The following MCTP2 variants were observed in gnomAD, a reference collection of about 807,000 sequenced individuals.
MCTP2 encodes multiple C2 and transmembrane domain containing 2, also known as multiple C2 and transmembrane domain-containing protein 2.
In MCTP2, 132 loss-of-function variants were observed where a neutral mutation model predicts 111.6. The ratio of observed to expected loss-of-function variants is 1.18; its 90% CI spans 1.03 to 1.37. The LOEUF (loss-of-function observed/expected upper bound fraction) is 1.37. MCTP2 is among the 40% of genes most tolerant of loss of function. The probability of loss-of-function intolerance (pLI) is 0.00; values close to 1 mark genes in which losing one functional copy is unlikely to be tolerated. For synonymous variants in MCTP2, 395 were observed against 387.7 expected (o/e 1.02, Z -0.22); for missense variants, 1,183 against 1,067.9 (o/e 1.11, Z -1.50).
intron 20 of MCTP2, among the ~76,000 whole-genome samples, chr15:94,467,421 A>T (rs2073459244): frequency 7.7e-6 from 1 of 129,112 alleles, no homozygotes; most frequent in Non-Finnish European, 1.6e-5. Context: ...TACTTTTATT[A>T]TAATAATCAA....
intron 4 of MCTP2, among the ~76,000 whole-genome samples, chr15:94,317,679 C>T (rs2076434297): frequency 6.6e-6 from 1 of 152,206 alleles, no homozygotes; most frequent in Non-Finnish European, 1.5e-5. Flanking sequence ...TACCCAGAAA[C>T]ATCTTTGCTG....
At chr15:94,250,360 G>A (rs1239127840) in intron 1 of MCTP2, among the ~76,000 whole-genome samples, 1 of 152,180 alleles carries the variant, frequency 6.6e-6, no homozygotes, top group African/African-American at 2.4e-5. Flanking sequence ...TGCAAACTGT[G>A]CAAGAGATTC....
At chr15:94,470,930 G>C (rs796861623) in intron 21 of MCTP2, among the ~76,000 whole-genome samples, 33 of 152,264 alleles carry the variant, frequency 2.2e-4, no homozygotes, top group African/African-American at 7.7e-4. Flanking sequence ...GGGAGGGGGC[G>C]TTCTGTGAAT....
intron 1 of MCTP2, among the ~76,000 whole-genome samples, chr15:94,283,228 T>C (rs1279048128): frequency 6.6e-6 from 1 of 152,140 alleles, no homozygotes; most frequent in Non-Finnish European, 1.5e-5. Context: ...GCAGGGACCC[T>C]GGGAGAGGCC....
At chr15:94,460,566 G>C (rs527295127) in intron 20 of MCTP2, among the ~76,000 whole-genome samples, 2 of 152,324 alleles carry the variant, frequency 1.3e-5, no homozygotes, top group South Asian at 2.1e-4. Context: ...CATGTTGTTT[G>C]GTAAAACTGT....
At chr15:94,282,276 C>A (rs762270165) in intron 1 of MCTP2, among the ~76,000 whole-genome samples, 5 of 152,096 alleles carry the variant, frequency 3.3e-5, no homozygotes, top group African/African-American at 1.2e-4. Context: ...TGTCTGCCTG[C>A]GTTGATTCAA....
intron 19 of MCTP2, among the ~76,000 whole-genome samples, chr15:94,450,786 A>AT (rs1184712094): frequency 1.3e-5 from 2 of 152,094 alleles, no homozygotes; most frequent in Non-Finnish European, 2.9e-5. Flanking sequence ...TGTCAGAAGG[A>AT]TTTTTTCCTG....
intron 14 of MCTP2, among the ~76,000 whole-genome samples, chr15:94,390,870 C>A (rs1737354966): frequency 6.6e-6 from 1 of 151,732 alleles, no homozygotes; most frequent in African/African-American, 2.4e-5. Context: ...ACTGGGATTA[C>A]AGGCACCCAC....
intron 19 of MCTP2, among the ~76,000 whole-genome samples, chr15:94,455,542 A>G (rs182998388): frequency 4.3e-4 from 66 of 152,030 alleles, no homozygotes; most frequent in Admixed American, 3.6e-3. Context: ...GGTTCAAGTG[A>G]TTATCCTGCC....
intron 19 of MCTP2, among the ~76,000 whole-genome samples, chr15:94,453,538 G>A (rs1030777951): frequency 6.6e-6 from 1 of 152,158 alleles, no homozygotes; most frequent in South Asian, 2.1e-4. Flanking sequence ...GATAGGGTAG[G>A]TGTATGTTAA....
In MCTP2 at chr15:94,294,941, C is replaced by CTTTTTTTTTTT. The variant is rs71133001; in HGVS notation, c.-65-3242_-65-3232dup. 4.1e-5 allele frequency among the ~76,000 whole-genome samples: 3 copies of CTTTTTTTTTTT among 73,988 alleles called. 1 individual carries two copies. The highest frequency in any genetic ancestry group is 7.3e-5 in the Non-Finnish European group (3 of 41,336). The allele number at this position is 73,988 out of a possible 152,430, so 48.5% of individuals were successfully genotyped here. ...TTCTCTTTATTTTTCTTTTCTTTTC[C>CTTTTTTTTTTT]TTTTTTTTTTTTTTTTTTTTTTTTT... On this transcript the variant is annotated intron_variant, in intron 1 of 22. Coordinates refer to ENST00000357742, the MANE Select transcript of MCTP2 (RefSeq NM_001385001.1).
At chr15:94,338,345 C>T (rs1402513616) in intron 4 of MCTP2, among the ~76,000 whole-genome samples, 6 of 152,154 alleles carry the variant, frequency 3.9e-5, no homozygotes, top group East Asian at 1.9e-4. Flanking sequence ...TTTATCTCCT[C>T]ATTGATTGCT....
chr15:94,462,213 T>A (rs914410046), intron 20 of MCTP2, among the ~76,000 whole-genome samples: 2 of 152,212 alleles, frequency 1.3e-5, no homozygotes, highest in African/African-American at 4.8e-5. Context: ...CTGGGATGTG[T>A]CACAATCATT....
chr15:94,478,375 G>A lies in MCTP2; in HGVS notation c.2569-591G>A, dbSNP rs900732160. ...AGATCCTCCGTGTATCGCCAAGGGC[G>A]CTTTCTAATAACACAGTGACAGTTT... On this transcript the variant is annotated intron_variant, in intron 22 of 22. Coordinates refer to ENST00000357742, the MANE Select transcript of MCTP2 (RefSeq NM_001385001.1). 5.3e-5 allele frequency among the ~76,000 whole-genome samples: 8 copies of A among 152,168 alleles called. No individual in the cohort carries two copies. The East Asian group carries it at 5.8e-4, about 11-fold the overall frequency.
intron 4 of MCTP2, among the ~76,000 whole-genome samples, chr15:94,329,687 A>G (rs2077047621): frequency 6.6e-6 from 1 of 152,108 alleles, no homozygotes; most frequent in Non-Finnish European, 1.5e-5. Flanking sequence ...CTCCAACATT[A>G]GGGATTACAC....
intron 10 of MCTP2, among the ~76,000 whole-genome samples, chr15:94,365,281 G>A (rs1347089190): frequency 6.6e-6 from 1 of 152,188 alleles, no homozygotes; most frequent in Non-Finnish European, 1.5e-5. Flanking sequence ...TTAAGCTGCT[G>A]CCTAAATCTT....
intron 12 of MCTP2, among the ~76,000 whole-genome samples, chr15:94,373,892 G>C (rs181410594): frequency 1.2e-3 from 178 of 152,310 alleles, no homozygotes; most frequent in Non-Finnish European, 2.1e-3. Flanking sequence ...CCACAGCCTT[G>C]ATTCATGAAA....
rs75515006 is a variant in MCTP2 at position 94,382,579 on chromosome 15, T to A, written c.1583-1443T>A. 5.1e-3 allele frequency among the ~76,000 whole-genome samples: 774 copies of A among 152,372 alleles called. 12 individuals carry two copies. The highest frequency in any genetic ancestry group is 0.017 in the African/African-American group (710 of 41,592). On this transcript the variant is annotated intron_variant, in intron 12 of 22. Transcript: ENST00000357742. Reference sequence around the variant, plus strand: ...CTCCTCCCTTTTTAAACAATAATCTTCATACAGGCTCCTGCAAGTATCAGT... The same window carrying A: ...CTCCTCCCTTTTTAAACAATAATCTACATACAGGCTCCTGCAAGTATCAGT...
chr15:94,323,190 C>G (rs370125397), intron 4 of MCTP2, among the ~76,000 whole-genome samples: 1 of 152,144 alleles, frequency 6.6e-6, no homozygotes, highest in African/African-American at 2.4e-5. Flanking sequence ...TTTAGAAAGA[C>G]TCACAAGGAA....
Sources: allele counts gnomAD v4.1 joint callset (sites outside exome capture counted in the v4.1 genomes callset), GRCh38; gene constraint gnomAD v4.1.1; transcripts MANE v1.5; gene names NCBI Gene and HGNC (gene_info 2026-07-23, HGNC 2026-07-21).